SNX30: variants seen among roughly 807,000 people sequenced by gnomAD.
The protein encoded by SNX30 is sorting nexin-30.
SNX30 carries 24 observed loss-of-function variants against 46.4 expected under a neutral mutation model. The observed-to-expected ratio is 0.52, with a 90% confidence interval of 0.37 to 0.73. The LOEUF is 0.73. Among genes scored for constraint, SNX30 ranks in the 30% least tolerant of loss-of-function variants. The pLI, the probability that SNX30 is intolerant of heterozygous loss-of-function variation, is 0.00. For synonymous variants in SNX30, 189 were observed against 211.5 expected, an observed-to-expected ratio of 0.89 and a Z score of 0.92; for missense variants, 533 against 555.7, an observed-to-expected ratio of 0.96 and a Z score of 0.41.
At chr9:112,837,143 C>G (rs938278714) in intron 5 of SNX30, among the ~76,000 whole-genome samples, 5 of 152,174 alleles carry the variant, frequency 3.3e-5, no homozygotes, top group African/African-American at 1.2e-4. Context: ...TGTTCTGTTG[C>G]AACAATGGCA....
intron 7 of SNX30, among the ~76,000 whole-genome samples, chr9:112,860,294 A>T (rs548276666): frequency 8.5e-5 from 13 of 152,226 alleles, no homozygotes; most frequent in African/African-American, 2.4e-4. Context: ...GCTCATTTTT[A>T]AATTTGGTTG....
intron 7 of SNX30, among the ~76,000 whole-genome samples, chr9:112,857,679 C>T (rs1426796192): frequency 6.6e-6 from 1 of 152,142 alleles, no homozygotes; most frequent in Non-Finnish European, 1.5e-5. Context: ...TCCAACCCAG[C>T]TCCAAGAAGG....
chr9:112,794,923 A>G (rs561698289), intron 1 of SNX30, among the ~76,000 whole-genome samples: 2 of 152,336 alleles, frequency 1.3e-5, no homozygotes, highest in African/African-American at 4.8e-5. Context: ...ATGGAAACCT[A>G]CATGGTGAAA....
intron 1 of SNX30, among the ~76,000 whole-genome samples, chr9:112,764,695 A>T (rs1839505578): frequency 6.6e-6 from 1 of 152,004 alleles, no homozygotes; most frequent in South Asian, 2.1e-4. Flanking sequence ...AGGTTGGGGG[A>T]GGCAGTTTCA....
chr9:112,832,113 C>T (rs1316008474), intron 4 of SNX30, among the ~76,000 whole-genome samples: 1 of 152,164 alleles, frequency 6.6e-6, no homozygotes, highest in Non-Finnish European at 1.5e-5. Flanking sequence ...TTTATAACCT[C>T]AGTTGGCATT....
At chr9:112,853,140 T>C (rs1317269873) in intron 7 of SNX30, among the ~76,000 whole-genome samples, 3 of 151,042 alleles carry the variant, frequency 2.0e-5, no homozygotes, top group African/African-American at 7.3e-5. Context: ...GTTTGTTGTG[T>C]TGATTCCAGC....
chr9:112,861,837 G>T (rs527289548), intron 7 of SNX30, among the ~76,000 whole-genome samples: 1 of 152,190 alleles, frequency 6.6e-6, no homozygotes, highest in African/African-American at 2.4e-5. Flanking sequence ...AGCCGCCTCA[G>T]TGCTGTTTCC....
intron 6 of SNX30, among the ~76,000 whole-genome samples, chr9:112,840,153 T>C (rs1443614137): frequency 6.6e-6 from 1 of 152,180 alleles, no homozygotes; most frequent in Non-Finnish European, 1.5e-5. Flanking sequence ...CAAGCCAGGA[T>C]TGAATTTGGA....
intron 7 of SNX30, 136 bp downstream of exon 7, chr9:112,851,081 A>G: frequency 1.8e-6 from 1 of 544,238 alleles, no homozygotes; most frequent in Non-Finnish European, 3.3e-6. Context: ...GTCCTTTTTC[A>G]CTCCCTTTTC....
chr9:112,837,025 G>A, intron 5 of SNX30, among the ~76,000 whole-genome samples: 2 of 152,234 alleles, frequency 1.3e-5, no homozygotes, highest in South Asian at 4.1e-4. Flanking sequence ...CCTTACATAT[G>A]CATGGGGCGG....
chr9:112,776,889 C>T (rs1839756604), intron 1 of SNX30, among the ~76,000 whole-genome samples: 1 of 152,192 alleles, frequency 6.6e-6, no homozygotes, highest in Non-Finnish European at 1.5e-5. Flanking sequence ...ATTTCATGCT[C>T]TTCCCACAAT....
In SNX30 at chr9:112,836,417, G is replaced by A. The variant is rs1201176296; in HGVS notation, c.814+8G>A. 2 of 1,584,066 alleles carry A rather than the reference G, an allele frequency of 1.3e-6. No homozygotes were observed. The highest frequency in any genetic ancestry group is 2.3e-5 in the East Asian group (1 of 43,988). On this transcript the variant is annotated splice_region_variant and intron_variant, in intron 5 of 8. Coordinates refer to ENST00000374232, the MANE Select transcript of SNX30 (RefSeq NM_001012994.2). ...TCATCAAAGAAGAAATAGGTGAGCT[G>A]TCTGTTGAGGTCTCGATTATGCCCT...
Position 112,751,070 on chromosome 9 carries a change from G to T in SNX30, c.69G>T (p.Pro23=), listed in dbSNP as rs1048224911. The T allele has an allele frequency of 6.7e-7, 1 of 1,500,022 alleles. No homozygotes were observed. Among genetic ancestry groups the T allele is most frequent in the Non-Finnish European group, 8.8e-7 (1 of 1,130,754 alleles). The allele number at this position is 1,500,022 out of a possible 1,614,324, so 92.9% of individuals were successfully genotyped here. A position where few individuals can be genotyped will look rare whatever the true frequency, so the allele number is the denominator to read the frequency against. Residue 23 remains proline (P), a synonymous_variant, in exon 1 of 9, where the codon CCG becomes CCT. Transcript: ENST00000374232. ...GPHSLRDMPH[P]LAGSSSEEAV... is the part of the protein sequence containing the mutation. ...ACTCCCTGCGCGACATGCCGCACCC[G>T]CTGGCCGGCTCCAGCAGCGAGGAGG...
chr9:112,851,014 C>T (rs1841015805), intron 7 of SNX30, 69 bp downstream of exon 7: 5 of 1,242,660 alleles, frequency 4.0e-6, no homozygotes, highest in South Asian at 3.7e-5. Context: ...AAATTCTCAT[C>T]TCTAGATCTG....
chr9:112,753,847 G>A (rs1006638366), intron 1 of SNX30, among the ~76,000 whole-genome samples: 2 of 152,156 alleles, frequency 1.3e-5, no homozygotes, highest in African/African-American at 2.4e-5. Flanking sequence ...TGGCATACAC[G>A]TATGGTCTCA....
At chr9:112,760,326 C>T (rs1168683717) in intron 1 of SNX30, among the ~76,000 whole-genome samples, 4 of 152,124 alleles carry the variant, frequency 2.6e-5, no homozygotes, top group East Asian at 1.9e-4. Flanking sequence ...GCCAGTGGCA[C>T]GATCTGAGGC....
Position 112,836,362 on chromosome 9 carries a change from T to C in SNX30, c.767T>C (p.Leu256Pro). 6.2e-7 allele frequency: 1 copy of C among 1,607,890 alleles called. No homozygotes were observed. Among genetic ancestry groups the C allele is most frequent in the Non-Finnish European group, 8.5e-7 (1 of 1,174,668 alleles). Reference protein sequence around the residue: ...GDYLDTFALKLGTIDRIAQRI... With the variant: ...GDYLDTFALKPGTIDRIAQRI... ...TACTTAGATACATTTGCACTCAAACTGGGAACCATTGATCGAATAGCCCAG... is the reference window on the plus strand; with the variant it reads ...TACTTAGATACATTTGCACTCAAACCGGGAACCATTGATCGAATAGCCCAG... Residue 256 changes from leucine (L) to proline (P), a missense_variant, in exon 5 of 9, where the codon CTG becomes CCG. Coordinates refer to ENST00000374232, the MANE Select transcript of SNX30 (RefSeq NM_001012994.2).
intron 4 of SNX30, among the ~76,000 whole-genome samples, chr9:112,834,529 C>T (rs1446523405): frequency 2.0e-5 from 3 of 152,136 alleles, no homozygotes; most frequent in Non-Finnish European, 4.4e-5. Flanking sequence ...TCCATGCCCT[C>T]CCTGGGTGTA....
At chr9:112,824,058 G>A (rs1340120095) in intron 3 of SNX30, among the ~76,000 whole-genome samples, 1 of 152,136 alleles carries the variant, frequency 6.6e-6, no homozygotes, top group African/African-American at 2.4e-5. Flanking sequence ...TTGTTGAATT[G>A]CTTAGAAGAA....
Sources: gnomAD v4.1 joint callset for allele counts (sites outside exome capture counted in the v4.1 genomes callset) on GRCh38, gnomAD v4.1.1 for gene constraint, MANE v1.5 for transcripts, NCBI Gene and HGNC (gene_info 2026-07-23, HGNC 2026-07-21) for gene names.